The following HCN1 variants were observed in gnomAD, a reference collection of about 807,000 sequenced individuals.
HCN1 encodes potassium/sodium hyperpolarization-activated cyclic nucleotide-gated channel 1.
In HCN1, 13 loss-of-function variants were observed where a neutral mutation model predicts 78.9. That is an observed-to-expected ratio of 0.16 (90% CI 0.11 to 0.26). HCN1 has a LOEUF of 0.26. Among genes scored for constraint, HCN1 ranks in the 10% least tolerant of loss-of-function variants. HCN1 has a pLI of 1.00. For synonymous variants in HCN1, 552 were observed against 455.5 expected (o/e 1.21, Z -2.70); for missense variants, 810 against 1,154.3 (o/e 0.70, Z 4.32).
chr5:45,469,242 C>T (rs985276798), intron 2 of HCN1, among the ~76,000 whole-genome samples: 1 of 151,614 alleles, frequency 6.6e-6, no homozygotes. Flanking sequence ...TTGTACCATG[C>T]CCAGGAAAAA....
intron 2 of HCN1, among the ~76,000 whole-genome samples, chr5:45,528,332 T>C (rs1742779715): frequency 6.6e-6 from 1 of 151,970 alleles, no homozygotes; most frequent in Non-Finnish European, 1.5e-5. Context: ...TTATATTTCA[T>C]ATATTTAGTG....
At chr5:45,661,326 G>C (rs199645734) in intron 1 of HCN1, among the ~76,000 whole-genome samples, 6 of 145,636 alleles carry the variant, frequency 4.1e-5, no homozygotes, top group Non-Finnish European at 6.0e-5. Context: ...GAAATTTATA[G>C]CACTAAATGC....
intron 2 of HCN1, among the ~76,000 whole-genome samples, chr5:45,624,693 G>T (rs971568045): frequency 1.3e-5 from 2 of 152,018 alleles, no homozygotes; most frequent in Non-Finnish European, 2.9e-5. Flanking sequence ...TGAAGGATGG[G>T]GCTGGAGAGG....
At position 45,441,898 on chromosome 5, in the gene HCN1, T is replaced by C. The variant is rs945747399; in HGVS notation, c.1011+19948A>G. On this transcript the variant is annotated intron_variant, in intron 3 of 7. Coordinates refer to ENST00000303230, the MANE Select transcript of HCN1 (RefSeq NM_021072.4). Reference sequence around the variant, plus strand: ...AAGAAAACCCTTAATGCTCAACAAATTCTGCAAGGTTAATGTATGCTGTTT... The same window carrying C: ...AAGAAAACCCTTAATGCTCAACAAACTCTGCAAGGTTAATGTATGCTGTTT... 3.9e-5 allele frequency among the ~76,000 whole-genome samples: 6 copies of C among 152,130 alleles called. No individual in the cohort carries two copies. The East Asian group carries it at 9.6e-4, about 24-fold the overall frequency.
At chr5:45,543,350 G>A (rs528845671) in intron 2 of HCN1, among the ~76,000 whole-genome samples, 2 of 151,994 alleles carry the variant, frequency 1.3e-5, no homozygotes, top group South Asian at 2.1e-4. Flanking sequence ...AAAATATTGG[G>A]AAAAAGCCAT....
In HCN1 at chr5:45,512,487, T is replaced by C. The variant is rs140756206; in HGVS notation, c.850-50480A>G. On this transcript the variant is annotated intron_variant, in intron 2 of 7. Coordinates refer to ENST00000303230, the MANE Select transcript of HCN1 (RefSeq NM_021072.4). ...AACTAGTTATTAACAGATTAGTATGTATAAAAAATATTTTATTGGTAATCA... is the reference window on the plus strand; with the variant it reads ...AACTAGTTATTAACAGATTAGTATGCATAAAAAATATTTTATTGGTAATCA... Among the ~76,000 whole-genome samples, 53 of 152,252 alleles carry C rather than the reference T, an allele frequency of 3.5e-4. 1 individual carries two copies. The East Asian group carries it at 7.7e-3, about 22-fold the overall frequency.
intron 4 of HCN1, among the ~76,000 whole-genome samples, chr5:45,390,415 TATCAAATGCATAATCA>T (rs1268155105): frequency 6.6e-6 from 1 of 152,172 alleles, no homozygotes; most frequent in African/African-American, 2.4e-5. Flanking sequence ...AGTTCTAAAA[TATCAAATGCATAATCA>T]ATTAATTAAA....
At chr5:45,495,442 A>G (rs1225051244) in intron 2 of HCN1, among the ~76,000 whole-genome samples, 1 of 148,710 alleles carries the variant, frequency 6.7e-6, no homozygotes, top group African/African-American at 2.5e-5. Context: ...ATTTTTGTAC[A>G]TTGATTTTGT....
intron 3 of HCN1, among the ~76,000 whole-genome samples, chr5:45,449,242 G>T (rs1435348425): frequency 6.6e-6 from 1 of 152,132 alleles, no homozygotes; most frequent in East Asian, 1.9e-4. Context: ...GTTGTCCAAG[G>T]TCACATAGCT....
chr5:45,514,245 T>C lies in HCN1; in HGVS notation c.850-52238A>G, dbSNP rs114742612. On this transcript the variant is annotated intron_variant, in intron 2 of 7. Coordinates refer to ENST00000303230, the MANE Select transcript of HCN1 (RefSeq NM_021072.4). ...ACCTAATGCTATTATTTAACATTATTAGGAAATAATATCCTTATTTTTAAA... is the reference window on the plus strand; with the variant it reads ...ACCTAATGCTATTATTTAACATTATCAGGAAATAATATCCTTATTTTTAAA... 1.2e-3 allele frequency among the ~76,000 whole-genome samples: 186 copies of C among 152,264 alleles called. 1 individual carries two copies. The highest frequency in any genetic ancestry group is 4.4e-3 in the African/African-American group (181 of 41,548).
At position 45,258,623 on chromosome 5, in the gene HCN1, A is replaced by G. The variant is rs543700448; in HGVS notation, c.*3298T>C. ...AAACCCACTTGTGTGGGGAGGTTCT[A>G]TCACTCTCCAAATAACTTTGCAGGG... On this transcript the variant is annotated 3_prime_UTR_variant, in exon 8 of 8. Transcript: ENST00000303230. 19 of 152,064 alleles carry G rather than the reference A, an allele frequency of 1.2e-4. No individual in the cohort carries two copies. Among genetic ancestry groups the G allele is most frequent in the African/African-American group, 2.2e-4 (9 of 41,436 alleles). The allele number at this position is 152,064 out of a possible 1,614,324, so 9.4% of individuals were successfully genotyped here.
At chr5:45,505,829 A>G (rs1383172723) in intron 2 of HCN1, among the ~76,000 whole-genome samples, 1 of 152,176 alleles carries the variant, frequency 6.6e-6, no homozygotes, top group Non-Finnish European at 1.5e-5. Flanking sequence ...TAATATTTTT[A>G]TCATATTCAA....
chr5:45,422,198 C>A (rs961529617), intron 3 of HCN1, among the ~76,000 whole-genome samples: 5 of 152,168 alleles, frequency 3.3e-5, no homozygotes, highest in African/African-American at 1.2e-4. Context: ...GATCATGTTG[C>A]CTTTTGTCCA....
intron 2 of HCN1, among the ~76,000 whole-genome samples, chr5:45,466,232 T>C (rs1442672559): frequency 1.3e-5 from 2 of 152,142 alleles, no homozygotes; most frequent in Non-Finnish European, 2.9e-5. Flanking sequence ...GATTCATCGG[T>C]CTTTCAATCT....
chr5:45,464,431 A>G (rs551572950), intron 2 of HCN1, among the ~76,000 whole-genome samples: 18 of 152,262 alleles, frequency 1.2e-4, no homozygotes, highest in African/African-American at 4.3e-4. Context: ...CTATCTTTAG[A>G]GTACTCAGTA....
At chr5:45,318,565 G>C (rs1377626215) in intron 5 of HCN1, among the ~76,000 whole-genome samples, 1 of 148,120 alleles carries the variant, frequency 6.8e-6, no homozygotes, top group Non-Finnish European at 1.5e-5. Context: ...ATAATAAAAA[G>C]AAAAAATATT....
At chr5:45,481,918 C>T (rs1283723563) in intron 2 of HCN1, among the ~76,000 whole-genome samples, 3 of 151,964 alleles carry the variant, frequency 2.0e-5, no homozygotes, top group Non-Finnish European at 4.4e-5. Context: ...GACAAAATAT[C>T]TATTTCAGAG....
At chr5:45,320,185 C>A (rs1287450274) in intron 5 of HCN1, among the ~76,000 whole-genome samples, 1 of 151,804 alleles carries the variant, frequency 6.6e-6, no homozygotes, top group African/African-American at 2.4e-5. Flanking sequence ...CAAAAGACAT[C>A]CCTACCTGGA....
At chr5:45,459,997 CTGCT>C (rs1741113680) in intron 3 of HCN1, among the ~76,000 whole-genome samples, 1 of 152,132 alleles carries the variant, frequency 6.6e-6, no homozygotes, top group African/African-American at 2.4e-5. Context: ...AACCAAACTA[CTGCT>C]TACTTTGTTC....
Sources: allele counts gnomAD v4.1 joint callset (sites outside exome capture counted in the v4.1 genomes callset), GRCh38; gene constraint gnomAD v4.1.1; transcripts MANE v1.5; gene names NCBI Gene and HGNC (gene_info 2026-07-23, HGNC 2026-07-21).